OTUD7A: variants seen among roughly 807,000 people sequenced by gnomAD.
The protein encoded by OTUD7A is OTU deubiquitinase 7A, also known as OTU domain-containing protein 7A.
OTUD7A carries 12 observed loss-of-function variants against 65.7 expected under a neutral mutation model. That is an observed-to-expected ratio of 0.18 (90% confidence interval 0.12 to 0.30). OTUD7A has a LOEUF of 0.30. Ranked by LOEUF, OTUD7A falls within the 10% of genes least tolerant of loss-of-function variation. The probability of loss-of-function intolerance (pLI) is 1.00; values close to 1 mark genes in which losing one functional copy is unlikely to be tolerated. For missense variants in OTUD7A, 1,148 were observed against 1,304.8 expected, an observed-to-expected ratio of 0.88 and a Z score of 1.85; for synonymous variants, 641 against 586.3, an observed-to-expected ratio of 1.09 and a Z score of -1.35.
At chr15:31,563,451 C>A (rs1021040470) in intron 4 of OTUD7A, among the ~76,000 whole-genome samples, 6 of 152,218 alleles carry the variant, frequency 3.9e-5, no homozygotes, top group Non-Finnish European at 8.8e-5. Context: ...AGTGTCCTGT[C>A]CTCACACACA....
intron 1 of OTUD7A, among the ~76,000 whole-genome samples, chr15:31,792,622 G>A (rs533113442): frequency 6.6e-6 from 1 of 152,272 alleles, no homozygotes; most frequent in African/African-American, 2.4e-5. Context: ...TGACTCCTCA[G>A]TCTGAGGCAG....
chr15:31,668,505 T>G (rs1183406206), intron 1 of OTUD7A, among the ~76,000 whole-genome samples: 9 of 152,216 alleles, frequency 5.9e-5, no homozygotes, highest in Admixed American at 2.0e-4. Flanking sequence ...GTTTTGATAG[T>G]TTTTTCTTTA....
chr15:31,755,689 T>C (rs1894792724), intron 1 of OTUD7A, among the ~76,000 whole-genome samples: 1 of 151,854 alleles, frequency 6.6e-6, no homozygotes, highest in African/African-American at 2.4e-5. Flanking sequence ...GCCACTGCAC[T>C]TCAGCCTGGG....
At chr15:31,631,820 T>G (rs1024492653) in intron 3 of OTUD7A, among the ~76,000 whole-genome samples, 97 of 152,220 alleles carry the variant, frequency 6.4e-4, no homozygotes, top group African/African-American at 2.2e-3. Flanking sequence ...TCTTCCCTTC[T>G]CGCTTCATTT....
rs140230105 is a variant in OTUD7A at position 31,508,412 on chromosome 15, C to T, written c.894-4594G>A. Among the ~76,000 whole-genome samples, 4 of 11,034 alleles carry T rather than the reference C, an allele frequency of 3.6e-4. No individual in the cohort carries two copies. The African/African-American group carries it at 3.8e-3, about 11-fold the overall frequency. 7.2% of individuals were successfully genotyped at this position (11,034 alleles called of 152,430 possible). The stretch of plus-strand genomic sequence containing the variant: ...CACCCAGGCTGGAGTGCAGTGGCGC[C>T]GATCTCCGCTCACTGCAAGCTCCGC... On this transcript the variant is annotated intron_variant, in intron 8 of 12. Coordinates refer to ENST00000307050, the MANE Select transcript of OTUD7A (RefSeq NM_001382637.1).
rs554654983 is a variant in OTUD7A, at chr15:31,618,966, G to A, written c.151+36130C>T. Among the ~76,000 whole-genome samples the A allele has an allele frequency of 6.3e-3, 954 of 152,304 alleles. 8 individuals carry two copies. Among genetic ancestry groups the A allele is most frequent in the Middle Eastern group, 0.02 (6 of 294 alleles). ...TAATTTTTGTATAAGGTGTAAGGAA[G>A]AGATCCAGTTTCAGCTTTCTACATA... is the stretch of plus-strand genomic sequence containing the variant. On this transcript the variant is annotated intron_variant, in intron 3 of 12. Coordinates refer to ENST00000307050, the MANE Select transcript of OTUD7A (RefSeq NM_001382637.1).
At chr15:31,867,408 G>T (rs1328109569) in intron 1 of OTUD7A, among the ~76,000 whole-genome samples, 1 of 152,162 alleles carries the variant, frequency 6.6e-6, no homozygotes, top group Non-Finnish European at 1.5e-5. Context: ...CACACAGCTT[G>T]CTCAGAGCAA....
At chr15:31,763,824 G>C (rs1895034764) in intron 1 of OTUD7A, among the ~76,000 whole-genome samples, 1 of 152,142 alleles carries the variant, frequency 6.6e-6, no homozygotes, top group Non-Finnish European at 1.5e-5. Flanking sequence ...ATAAATAGGA[G>C]AACAACCCTC....
intron 3 of OTUD7A, among the ~76,000 whole-genome samples, chr15:31,607,914 T>A (rs1890283410): frequency 6.6e-6 from 1 of 152,222 alleles, no homozygotes; most frequent in Non-Finnish European, 1.5e-5. Context: ...AAGTGATGCA[T>A]GACTGTAGTC....
intron 1 of OTUD7A, among the ~76,000 whole-genome samples, chr15:31,674,025 A>G (rs1184405081): frequency 6.6e-6 from 1 of 152,262 alleles, no homozygotes; most frequent in East Asian, 1.9e-4. Context: ...TCTGATGGGC[A>G]GACATGAAAA....
In OTUD7A at chr15:31,511,278, T is replaced by C. The variant is rs1332607686; in HGVS notation, c.894-7460A>G. 5.0e-3 allele frequency among the ~76,000 whole-genome samples: 15 copies of C among 2,998 alleles called. 5 individuals carry two copies. Among genetic ancestry groups the C allele is most frequent in the South Asian group, 0.033 (2 of 60 alleles). The allele number at this position is 2,998 out of a possible 152,430, so 2.0% of individuals were successfully genotyped here. A position where few individuals can be genotyped will look rare whatever the true frequency, so the allele number is the denominator to read the frequency against. On this transcript the variant is annotated intron_variant, in intron 8 of 12. Coordinates refer to ENST00000307050, the MANE Select transcript of OTUD7A (RefSeq NM_001382637.1). ...TATGTATATCTATATGTAACACACA[T>C]ACATATGTATATCTATATGTAACAC...
chr15:31,598,714 T>C (rs1282789957), intron 3 of OTUD7A, among the ~76,000 whole-genome samples: 2 of 152,164 alleles, frequency 1.3e-5, no homozygotes, highest in African/African-American at 4.8e-5. Context: ...TCTGGCTCAG[T>C]GGGTCCCACC....
intron 8 of OTUD7A, among the ~76,000 whole-genome samples, chr15:31,516,539 A>AGAGC (rs907847045): frequency 6.6e-6 from 1 of 152,234 alleles, no homozygotes; most frequent in Non-Finnish European, 1.5e-5. Flanking sequence ...AGGCAGCCAG[A>AGAGC]GAGCACCTGA....
At chr15:31,630,869 G>A (rs1891124842) in intron 3 of OTUD7A, among the ~76,000 whole-genome samples, 1 of 152,144 alleles carries the variant, frequency 6.6e-6, no homozygotes, top group South Asian at 2.1e-4. Flanking sequence ...TTTGATCTTT[G>A]CTGGTTTAAA....
chr15:31,644,845 T>C lies in OTUD7A; in HGVS notation c.151+10251A>G, dbSNP rs1891615520. Among the ~76,000 whole-genome samples, 5 of 152,220 alleles carry C rather than the reference T, an allele frequency of 3.3e-5. No homozygotes were observed. In the South Asian group the frequency reaches 8.3e-4, roughly 25 times the overall value. On this transcript the variant is annotated intron_variant, in intron 3 of 12. Transcript: ENST00000307050. ...TGAGGCAAGATCCTTCTAGGTATTA[T>C]ATTCAGTGCTTGTCCAGCCTGGCTG... is the stretch of plus-strand genomic sequence containing the variant.
intron 1 of OTUD7A, among the ~76,000 whole-genome samples, chr15:31,660,985 G>A (rs568999193): frequency 2.0e-5 from 3 of 152,300 alleles, no homozygotes; most frequent in South Asian, 4.1e-4. Flanking sequence ...CAGGTGCCGC[G>A]GGCTGGACAC....
At chr15:31,839,163 C>T (rs1897127105) in intron 1 of OTUD7A, among the ~76,000 whole-genome samples, 1 of 152,228 alleles carries the variant, frequency 6.6e-6, no homozygotes, top group Non-Finnish European at 1.5e-5. Context: ...TTCGAAACAC[C>T]ATGCTGGGGA....
intron 1 of OTUD7A, among the ~76,000 whole-genome samples, chr15:31,745,106 T>C (rs1295982933): frequency 2.0e-5 from 3 of 152,098 alleles, no homozygotes; most frequent in African/African-American, 7.2e-5. Context: ...ACATCAATAT[T>C]AGGGTCAGTT....
chr15:31,847,135 G>A (rs1030154624), intron 1 of OTUD7A, among the ~76,000 whole-genome samples: 1 of 152,240 alleles, frequency 6.6e-6, no homozygotes, highest in Non-Finnish European at 1.5e-5. Flanking sequence ...AGCACAGTAT[G>A]TCAGGGCACA....
Sources: gnomAD v4.1 joint callset for allele counts (sites outside exome capture counted in the v4.1 genomes callset) on GRCh38, gnomAD v4.1.1 for gene constraint, MANE v1.5 for transcripts, NCBI Gene and HGNC (gene_info 2026-07-23, HGNC 2026-07-21) for gene names.